Variants in PAQR3 observed in about 807,000 individuals in gnomAD.
PAQR3 encodes the protein progestin and adipoQ receptor family member 3.
A neutral mutation model predicts 41.7 loss-of-function variants in PAQR3; 39 were observed. That is an observed-to-expected ratio of 0.93 (90% CI 0.72 to 1.22). PAQR3 has a LOEUF of 1.22. Ranked by LOEUF, PAQR3 falls within the 50% of genes most tolerant of loss-of-function variation. The pLI is 0.00. For synonymous variants in PAQR3, 140 were observed against 140.6 expected, an observed-to-expected ratio of 1.00 and a Z score of 0.03; for missense variants, 366 against 385.6, an observed-to-expected ratio of 0.95 and a Z score of 0.42.
At chr4:78,929,321 C>T (rs1017078937) in intron 3 of PAQR3, among the ~76,000 whole-genome samples, 1 of 152,128 alleles carries the variant, frequency 6.6e-6, no homozygotes, top group Non-Finnish European at 1.5e-5. Flanking sequence ...AAAACAAGGG[C>T]ATGGTAGAAA....
chr4:78,910,237 G>A (rs1472868135), downstream of PAQR3, among the ~76,000 whole-genome samples: 1 of 152,244 alleles, frequency 6.6e-6, no homozygotes, highest in East Asian at 1.9e-4. Context: ...TAAGCAGGAG[G>A]TATTTGGTGA....
At chr4:78,896,006 G>A (rs1367334564) in intron 11 of PAQR3, among the ~76,000 whole-genome samples, 1 of 152,160 alleles carries the variant, frequency 6.6e-6, no homozygotes, top group Non-Finnish European at 1.5e-5. Context: ...AAGCAATCCT[G>A]CCTTGGCCTC....
At position 78,920,468 on chromosome 4, in the gene PAQR3, A is replaced by T; in HGVS notation, c.*71T>A. 1 of 1,457,014 alleles carries T rather than the reference A, an allele frequency of 6.9e-7. No individual in the cohort carries two copies. Among genetic ancestry groups the T allele is most frequent in the Non-Finnish European group, 9.1e-7 (1 of 1,100,966 alleles). The allele number at this position is 1,457,014 out of a possible 1,614,324, so 90.3% of individuals were successfully genotyped here. A position where few individuals can be genotyped will look rare whatever the true frequency, so the allele number is the denominator to read the frequency against. On this transcript the variant is annotated 3_prime_UTR_variant, in exon 6 of 6. Coordinates refer to ENST00000512733, the MANE Select transcript of PAQR3 (RefSeq NM_001040202.2). ...AAGGGAAAACTAATGGGAATCTTAG[A>T]AATAGTGGGGTATACAATTCCCCAT...
downstream of PAQR3, chr4:78,910,950 C>G (rs1734559604): frequency 3.1e-6 from 5 of 1,613,576 alleles, no homozygotes; most frequent in South Asian, 5.5e-5. Flanking sequence ...AGAAACATAG[C>G]TCTGATTCTG....
intron 2 of PAQR3, 138 bp from the exon 3 acceptor site, chr4:78,930,463 A>C: frequency 1.2e-6 from 1 of 835,448 alleles, no homozygotes; most frequent in Non-Finnish European, 1.8e-6. Context: ...TGTGCCTTAC[A>C]TGGCTACTGT....
intron 2 of PAQR3, chr4:78,933,135 C>G (rs1211860233): frequency 2.2e-6 from 1 of 455,310 alleles, no homozygotes; most frequent in Non-Finnish European, 4.4e-6. Flanking sequence ...GCTTAAATGC[C>G]CTGCCTCACT....
chr4:78,900,524 G>A (rs1310415030), intron 11 of PAQR3, among the ~76,000 whole-genome samples: 1 of 152,178 alleles, frequency 6.6e-6, no homozygotes, highest in East Asian at 1.9e-4. Context: ...TTTTCTCCTT[G>A]AGACTGGGAA....
chr4:78,924,817 G>A (rs1158225881), intron 4 of PAQR3, among the ~76,000 whole-genome samples: 1 of 151,748 alleles, frequency 6.6e-6, no homozygotes, highest in Non-Finnish European at 1.5e-5. Flanking sequence ...GGAGTTTGAA[G>A]GCAATAGAGA....
chr4:78,910,684 A>T, downstream of PAQR3: 1 of 1,608,830 alleles, frequency 6.2e-7, no homozygotes, highest in Non-Finnish European at 8.5e-7. Flanking sequence ...CAAGAACGGT[A>T]AAACAAGTCC....
chr4:78,914,704 A>G lies in PAQR3; in HGVS notation c.*5835T>C, dbSNP rs1734895208. 6.6e-6 allele frequency: 1 copy of G among 151,108 alleles called. No individual in the cohort carries two copies. The highest frequency in any genetic ancestry group is 2.4e-5 in the African/African-American group (1 of 41,124). The allele number at this position is 151,108 out of a possible 1,614,324, so 9.4% of individuals were successfully genotyped here. A position where few individuals can be genotyped will look rare whatever the true frequency, so the allele number is the denominator to read the frequency against. ...AAGGAAGGAAGAAAGGTTATTATAT[A>G]TGTACCACTAAGCAAATATATATAT... On this transcript the variant is annotated 3_prime_UTR_variant, in exon 6 of 6. Coordinates refer to ENST00000512733, the MANE Select transcript of PAQR3 (RefSeq NM_001040202.2).
At position 78,923,958 on chromosome 4, in the gene PAQR3, G is replaced by C; in HGVS notation, c.703-11C>G. On this transcript the variant is annotated splice_polypyrimidine_tract_variant and intron_variant, in intron 4 of 5. Transcript: ENST00000512733. ...ACGGGGTGCAAAGTCCTGAAAAGCA[G>C]AACATGTTTTTTTACAGATCTTCCT... The C allele has an allele frequency of 1.3e-6, 2 of 1,595,816 alleles. No individual in the cohort carries two copies. Among genetic ancestry groups the C allele is most frequent in the Non-Finnish European group, 8.6e-7 (1 of 1,164,050 alleles).
At chr4:78,910,564 C>G, downstream of PAQR3, 1 of 1,392,778 alleles carries the variant, frequency 7.2e-7, no homozygotes, top group Non-Finnish European at 9.6e-7. Context: ...CAAGAGGATT[C>G]TGAAATGCAT....
chr4:78,914,988 C>T lies in PAQR3; in HGVS notation c.*5551G>A, dbSNP rs1734920855. 1 of 151,810 alleles carries T rather than the reference C, an allele frequency of 6.6e-6. No individual in the cohort carries two copies. Among genetic ancestry groups the T allele is most frequent in the African/African-American group, 2.4e-5 (1 of 41,344 alleles). 9.4% of individuals were successfully genotyped at this position (151,810 alleles called of 1,614,324 possible). A position where few individuals can be genotyped will look rare whatever the true frequency, so the allele number is the denominator to read the frequency against. On this transcript the variant is annotated 3_prime_UTR_variant, in exon 6 of 6. Transcript: ENST00000512733. The stretch of plus-strand genomic sequence containing the variant: ...AGTAAAATGTTAGTATTAAAAAGAT[C>T]AGCTTTTTATGGCATTGAAGAATGT...
At chr4:78,921,885 T>C in intron 5 of PAQR3, 1 of 985,106 alleles carries the variant, frequency 1.0e-6, no homozygotes, top group Non-Finnish European at 1.2e-6. Flanking sequence ...AAACTCAATA[T>C]GCTCTGCTAC....
chr4:78,912,727 A>G lies in PAQR3; in HGVS notation c.*7812T>C, dbSNP rs1302757184. 6.6e-6 allele frequency: 1 copy of G among 152,246 alleles called. No homozygotes were observed. The highest frequency in any genetic ancestry group is 1.5e-5 in the Non-Finnish European group (1 of 68,032). The allele number at this position is 152,246 out of a possible 1,614,324, so 9.4% of individuals were successfully genotyped here. On this transcript the variant is annotated 3_prime_UTR_variant, in exon 6 of 6. Transcript: ENST00000512733. ...AACTTACATATTCCAAAACAATGTT[A>G]TACATGATAAATATATATAATTTTT...
intron 11 of PAQR3, among the ~76,000 whole-genome samples, chr4:78,901,925 G>T (rs190393195): frequency 6.6e-6 from 1 of 152,232 alleles, no homozygotes; most frequent in Admixed American, 6.5e-5. Flanking sequence ...GACCCACCTC[G>T]TGGGCTTTAT....
At chr4:78,897,257 A>G (rs1733753514) in intron 11 of PAQR3, among the ~76,000 whole-genome samples, 1 of 152,052 alleles carries the variant, frequency 6.6e-6, no homozygotes, top group Admixed American at 6.6e-5. Context: ...TCTTGGGGAA[A>G]AGTGCAGCTA....
At chr4:78,909,356 A>G (rs1734458001), downstream of PAQR3, among the ~76,000 whole-genome samples, 1 of 84,058 alleles carries the variant, frequency 1.2e-5, no homozygotes, top group African/African-American at 4.2e-5. Flanking sequence ...TTTTCTATAG[A>G]GCAGTCATTT....
rs763329373 is a variant in PAQR3 at position 78,912,037 on chromosome 4, C to T, written c.*8502G>A. ...TCCATTTCCTTCTAAACAGTAGATA[C>T]TTCTGATGGATTCTCGGCATTAACT... On this transcript the variant is annotated 3_prime_UTR_variant, in exon 6 of 6. Transcript: ENST00000512733. The T allele has an allele frequency of 1.6e-5, 25 of 1,583,140 alleles. No homozygotes were observed. In the South Asian group the frequency reaches 2.9e-4, roughly 18 times the overall value.
Sources: allele counts gnomAD v4.1 joint callset (sites outside exome capture counted in the v4.1 genomes callset), GRCh38; gene constraint gnomAD v4.1.1; transcripts MANE v1.5; gene names NCBI Gene and HGNC (gene_info 2026-07-23, HGNC 2026-07-21).